CEP112: variants seen among roughly 807,000 people sequenced by gnomAD.
CEP112 encodes the protein centrosomal protein of 112 kDa.
A neutral mutation model predicts 153.0 loss-of-function variants in CEP112; 127 were observed. That is an observed-to-expected ratio of 0.83 (90% confidence interval 0.72 to 0.96). The LOEUF is 0.96. CEP112 is among the 40% of genes least tolerant of loss of function. CEP112 has a pLI of 0.00. For synonymous variants in CEP112, 358 were observed against 374.4 expected (o/e 0.96, Z 0.51); for missense variants, 1,089 against 1,101.2 (o/e 0.99, Z 0.16).
intron 6 of CEP112, among the ~76,000 whole-genome samples, chr17:66,097,692 G>T (rs1053550463): frequency 7.9e-5 from 12 of 151,902 alleles, no homozygotes; most frequent in African/African-American, 2.9e-4. Context: ...TGTATCTCTG[G>T]GACCTAGCAC....
chr17:65,972,143 T>C (rs1209761855), intron 17 of CEP112, among the ~76,000 whole-genome samples: 1 of 152,198 alleles, frequency 6.6e-6, no homozygotes, highest in Non-Finnish European at 1.5e-5. Context: ...ACATAGACTA[T>C]TCTGGAACAT....
At chr17:65,965,758 G>C (rs994796477) in intron 17 of CEP112, among the ~76,000 whole-genome samples, 48 of 152,098 alleles carry the variant, frequency 3.2e-4, no homozygotes, top group African/African-American at 1.1e-3. Flanking sequence ...CTGGACTCAA[G>C]CGATCCACCC....
At chr17:65,725,078 T>C (rs2050101900) in intron 23 of CEP112, among the ~76,000 whole-genome samples, 1 of 152,186 alleles carries the variant, frequency 6.6e-6, no homozygotes. Context: ...AGAGTGTGAA[T>C]TACTTCAAGT....
At chr17:65,989,710 C>A (rs2063528622) in intron 17 of CEP112, among the ~76,000 whole-genome samples, 1 of 152,040 alleles carries the variant, frequency 6.6e-6, no homozygotes, top group Non-Finnish European at 1.5e-5. Context: ...AGTATATGAA[C>A]AAACCCAGAA....
At chr17:65,958,785 AGGGAGGGCCTGAAGGCT>A (rs1171837097) in intron 18 of CEP112, among the ~76,000 whole-genome samples, 2 of 152,126 alleles carry the variant, frequency 1.3e-5, no homozygotes, top group Non-Finnish European at 2.9e-5. Context: ...CCTTCAGGCC[AGGGAGGGCCTGAAGGCT>A]GGGAGGCCTG....
At chr17:66,185,371 C>G (rs1165761359) in intron 1 of CEP112, among the ~76,000 whole-genome samples, 1 of 152,076 alleles carries the variant, frequency 6.6e-6, no homozygotes, top group African/African-American at 2.4e-5. Context: ...TACAGGCACA[C>G]ACCACCATGC....
chr17:65,786,768 T>C (rs571257070), intron 21 of CEP112, among the ~76,000 whole-genome samples: 26 of 152,128 alleles, frequency 1.7e-4, no homozygotes, highest in Admixed American at 4.6e-4. Flanking sequence ...TTATTTTTAC[T>C]AGAGATAAGG....
chr17:65,888,564 G>C (rs748332631), intron 20 of CEP112, among the ~76,000 whole-genome samples: 1 of 151,826 alleles, frequency 6.6e-6, no homozygotes, highest in African/African-American at 2.4e-5. Context: ...TATCTATTCA[G>C]GTATCCATTT....
intron 4 of CEP112, among the ~76,000 whole-genome samples, chr17:66,164,869 T>C (rs552845186): frequency 2.1e-5 from 3 of 144,620 alleles, no homozygotes; most frequent in African/African-American, 7.8e-5. Context: ...AAAATATATA[T>C]ATATATACAC....
chr17:66,118,432 A>G (rs1383079031), intron 6 of CEP112, among the ~76,000 whole-genome samples: 1 of 152,126 alleles, frequency 6.6e-6, no homozygotes, highest in Non-Finnish European at 1.5e-5. Context: ...ACATTATGTT[A>G]AATGAAATAA....
At chr17:65,993,088 T>C (rs543903027) in intron 17 of CEP112, among the ~76,000 whole-genome samples, 2 of 152,198 alleles carry the variant, frequency 1.3e-5, no homozygotes, top group Admixed American at 6.5e-5. Context: ...ATGCTCTCTC[T>C]CCCCCACCTC....
At chr17:65,947,005 A>ATAAAATGTATTTG (rs1032301679) in intron 18 of CEP112, among the ~76,000 whole-genome samples, 8 of 152,196 alleles carry the variant, frequency 5.3e-5, no homozygotes, top group African/African-American at 1.9e-4. Flanking sequence ...GTAGGTACGA[A>ATAAAATGTATTTG]TAAAATGTAT....
intron 21 of CEP112, among the ~76,000 whole-genome samples, chr17:65,847,509 C>G (rs2057771574): frequency 1.3e-5 from 2 of 152,196 alleles, no homozygotes; most frequent in Non-Finnish European, 2.9e-5. Flanking sequence ...CAAGTCTTGT[C>G]AGAGAGCTTC....
At chr17:65,831,663 G>A (rs2057086725) in intron 21 of CEP112, among the ~76,000 whole-genome samples, 2 of 151,370 alleles carry the variant, frequency 1.3e-5, no homozygotes, top group Admixed American at 6.6e-5. Flanking sequence ...AATTTGACAA[G>A]GAAATTGAAA....
intron 18 of CEP112, among the ~76,000 whole-genome samples, chr17:65,944,370 T>A (rs746988644): frequency 9.2e-5 from 14 of 152,210 alleles, no homozygotes; most frequent in African/African-American, 4.8e-5. Flanking sequence ...TAACTATTCT[T>A]CCCTGCTCAA....
chr17:65,786,894 T>G (rs1382760304), intron 21 of CEP112, among the ~76,000 whole-genome samples: 1 of 152,162 alleles, frequency 6.6e-6, no homozygotes, highest in Admixed American at 6.5e-5. Flanking sequence ...CTTAGCCAAT[T>G]CTTTTACTAA....
intron 24 of CEP112, among the ~76,000 whole-genome samples, chr17:65,680,980 C>T (rs1294376862): frequency 1.3e-5 from 2 of 152,174 alleles, no homozygotes; most frequent in African/African-American, 2.4e-5. Context: ...CCCTCAACAC[C>T]AGGGGATTAC....
chr17:65,694,625 A>T (rs2048273222), intron 23 of CEP112, among the ~76,000 whole-genome samples: 1 of 152,252 alleles, frequency 6.6e-6, no homozygotes. Context: ...CTTTCAAAAA[A>T]GTTAAAATGT....
chr17:66,087,649 A>G (rs963875912), intron 8 of CEP112, among the ~76,000 whole-genome samples: 4 of 152,236 alleles, frequency 2.6e-5, no homozygotes, highest in Non-Finnish European at 5.9e-5. Flanking sequence ...ACATGCACAA[A>G]AATACCTTCA....
Sources: gnomAD v4.1 joint callset for allele counts (sites outside exome capture counted in the v4.1 genomes callset) on GRCh38, gnomAD v4.1.1 for gene constraint, MANE v1.5 for transcripts, NCBI Gene and HGNC (gene_info 2026-07-23, HGNC 2026-07-21) for gene names.